Variants in PRX observed in about 807,000 individuals in gnomAD.
The protein encoded by PRX is periaxin.
A neutral mutation model predicts 29.6 loss-of-function variants in PRX; 24 were observed. That is an observed-to-expected ratio of 0.81 (90% confidence interval 0.59 to 1.14). The LOEUF is 1.14. PRX is among the 50% of genes most tolerant of loss of function. The probability of loss-of-function intolerance (pLI) is 0.00; values close to 1 mark genes in which losing one functional copy is unlikely to be tolerated. For synonymous variants in PRX, 772 were observed against 831.7 expected (o/e 0.93, Z 1.24); for missense variants, 1,838 against 1,926.4 (o/e 0.95, Z 0.86).
intron 1 of PRX, among the ~76,000 whole-genome samples, chr19:40,412,839 C>T (rs1014041159): frequency 6.6e-6 from 1 of 152,188 alleles, no homozygotes; most frequent in African/African-American, 2.4e-5. Context: ...TCTCAGCCTC[C>T]AGAGTAGCTG....
intron 1 of PRX, among the ~76,000 whole-genome samples, chr19:40,411,320 G>A (rs915257746): frequency 6.6e-5 from 10 of 152,176 alleles, no homozygotes; most frequent in Admixed American, 1.3e-4. Context: ...TAACTGATGA[G>A]TCAATGAGAG....
chr19:40,411,050 A>G (rs1025974624), intron 1 of PRX, among the ~76,000 whole-genome samples: 16 of 152,186 alleles, frequency 1.1e-4, no homozygotes, highest in Admixed American at 1.0e-3. Context: ...ACAGGCCTCA[A>G]AATCACCCTA....
intron 1 of PRX, among the ~76,000 whole-genome samples, chr19:40,412,901 T>G (rs1297088793): frequency 6.6e-6 from 1 of 152,166 alleles, no homozygotes; most frequent in Non-Finnish European, 1.5e-5. Context: ...AATTTTTTTT[T>G]GTTTTGTAGA....
chr19:40,399,892 T>TTTCTTTC (rs1555801769), intron 5 of PRX, among the ~76,000 whole-genome samples: 1 of 61,200 alleles, frequency 1.6e-5, no homozygotes, highest in East Asian at 2.3e-4. Context: ...TCTTTCTTTC[T>TTTCTTTC]TTCTTTCTTT....
chr19:40,395,657 G>A lies in PRX; in HGVS notation c.2695C>T (p.Pro899Ser), dbSNP rs1334022545. The change falls in exon 7 of 7, where the codon CCC becomes TCC. Residue 899 changes from proline (P) to serine (S), a missense_variant. This residue lies in a region of PRX where 1,143 missense variants were observed against 1,193.0 expected (regional missense o/e 0.96). Coordinates refer to ENST00000324001, the MANE Select transcript of PRX (RefSeq NM_181882.3). ...TGTGGGGTGACAATTTCAACAGAGG[G>A]CACTCGGAAGCCCACTTCCCTGACC... ...AGVREVGFRV[P>S]SVEIVTPQLP... 1 of 1,614,142 alleles carries A rather than the reference G, an allele frequency of 6.2e-7. No homozygotes were observed.
At chr19:40,410,811 T>C (rs1448663380) in intron 1 of PRX, among the ~76,000 whole-genome samples, 1 of 152,048 alleles carries the variant, frequency 6.6e-6, no homozygotes, top group Non-Finnish European at 1.5e-5. Flanking sequence ...GCGGAGGTTG[T>C]GGTGAGCTGA....
At chr19:40,407,513 C>A in intron 4 of PRX, 1 of 313,582 alleles carries the variant, frequency 3.2e-6, no homozygotes, top group Non-Finnish European at 6.1e-6. Context: ...GTTGCCCAGG[C>A]TTGTCTCAAA....
chr19:40,396,653 C>T lies in PRX; in HGVS notation c.1699G>A (p.Val567Met), dbSNP rs757797949. 5 of 1,613,984 alleles carry T rather than the reference C, an allele frequency of 3.1e-6. No homozygotes were observed. The South Asian group carries it at 3.3e-5, about 11-fold the overall frequency. Residue 567 changes from valine to methionine, a missense_variant, in exon 7 of 7, where the codon GTG becomes ATG. By Grantham distance (21) the Val-to-Met change is conservative. This residue lies in a region of PRX where 1,143 missense variants were observed against 1,193.0 expected (regional missense o/e 0.96). Coordinates refer to ENST00000324001, the MANE Select transcript of PRX (RefSeq NM_181882.3). ...PEVSEVAVPE[V>M]RLPEVQLPKV... ...GGCAGCTGCACCTCTGGAAGCCGCA[C>T]CTCTGGCACAGCCACCTCTGACACC...
chr19:40,407,620 A>C (rs1401167456), intron 4 of PRX: 7 of 570,818 alleles, frequency 1.2e-5, no homozygotes, highest in South Asian at 2.0e-5. Context: ...TCTTCTGATG[A>C]AGGGTTTCTG....
chr19:40,396,855 C>A lies in PRX; in HGVS notation c.1497G>T (p.Val499=). The A allele has an allele frequency of 1.2e-6, 2 of 1,611,150 alleles. No homozygotes were observed. ...VRLPEVELPK[V]SEMKLPKVPE... ...GCACCTTTGGGAGTTTCATCTCTGA[C>A]ACTTTGGGCAGCTCTACCTCTGGAA... The change falls in exon 7 of 7, where the codon GTG becomes GTT. Residue 499 remains valine (V), a synonymous_variant. Transcript: ENST00000324001.
At position 40,396,105 on chromosome 19, in the gene PRX, T is replaced by A. The variant is rs766307270; in HGVS notation, c.2247A>T (p.Lys749Asn). The change falls in exon 7 of 7, where the codon AAA becomes AAT. Residue 749 changes from lysine (K) to asparagine (N), a missense_variant. By Grantham distance (94) the Lys-to-Asn change is moderately conservative. Around this residue, in one of 3 missense-constraint regions of PRX, gnomAD observed 1,143 missense variants for 1,193.0 expected, o/e 0.96. Coordinates refer to ENST00000324001, the MANE Select transcript of PRX (RefSeq NM_181882.3). Reference protein sequence around the residue: ...DVHLPEVQLPKVSEIRLPEMQ... With the variant: ...DVHLPEVQLPNVSEIRLPEMQ... ...TTTCCGGCAGCCGAATCTCTGACAC[T>A]TTCGGCAGCTGCACCTCGGGGAGGT... 3 of 1,614,186 alleles carry A rather than the reference T, an allele frequency of 1.9e-6. No individual in the cohort carries two copies. The highest frequency in any genetic ancestry group is 2.5e-6 in the Non-Finnish European group (3 of 1,180,038).
upstream of PRX, among the ~76,000 whole-genome samples, chr19:40,414,672 G>A (rs1248031627): frequency 6.6e-6 from 1 of 152,044 alleles, no homozygotes; most frequent in Non-Finnish European, 1.5e-5. Context: ...CTGGACCCTG[G>A]TCCAGCCCCC....
rs1051679903 is a variant in PRX, at chr19:40,398,165, C to T, written c.382-195G>A. On this transcript the variant is annotated intron_variant, in intron 6 of 6. Coordinates refer to ENST00000324001, the MANE Select transcript of PRX (RefSeq NM_181882.3). The surrounding 1 kb of genome is among the most constrained non-coding windows in gnomAD (Gnocchi z 6.3). The stretch of plus-strand genomic sequence containing the variant: ...AAAGCAGGCAGCCATCTAGGATCTC[C>T]AAATGAGTCAACAGGAGTGTAGGGA... 24 of 1,430,674 alleles carry T rather than the reference C, an allele frequency of 1.7e-5. No individual in the cohort carries two copies. The highest frequency in any genetic ancestry group is 1.9e-5 in the Non-Finnish European group (21 of 1,097,288). The allele number at this position is 1,430,674 out of a possible 1,614,324, so 88.6% of individuals were successfully genotyped here. A position where few individuals can be genotyped will look rare whatever the true frequency, so the allele number is the denominator to read the frequency against.
Position 40,397,353 on chromosome 19 carries a change from C to A in PRX, c.999G>T (p.Val333=). Residue 333 remains valine, a synonymous_variant, in exon 7 of 7, where the codon GTG becomes GTT. Transcript: ENST00000324001. ...CACCCGGCAAGGCCAGGTCCACCCC[C>A]ACAGTCGGTGCTGCCACATCCAGGG... ...VPTLDVAAPT[V]GVDLALPGAE... is the part of the protein sequence containing the mutation. 6.2e-7 allele frequency: 1 copy of A among 1,612,990 alleles called. No homozygotes were observed. Among genetic ancestry groups the A allele is most frequent in the Non-Finnish European group, 8.5e-7 (1 of 1,179,918 alleles).
In PRX at chr19:40,398,927, G is replaced by C; in HGVS notation, c.185-111C>G. The stretch of plus-strand genomic sequence containing the variant: ...CGGTGAGGACCCGCCCCAAATTTTA[G>C]TTTCTCCAATCCCCAGCGCAGGATT... On this transcript the variant is annotated intron_variant, in intron 5 of 6. Transcript: ENST00000324001. This position sits in a 1 kb window ranked among gnomAD's most constrained non-coding sequence, Gnocchi z 6.3. 2 of 1,557,818 alleles carry C rather than the reference G, an allele frequency of 1.3e-6. No homozygotes were observed. Among genetic ancestry groups the C allele is most frequent in the Non-Finnish European group, 1.7e-6 (2 of 1,152,194 alleles).
Position 40,395,732 on chromosome 19 carries a change from C to T in PRX, c.2620G>A (p.Ala874Thr), listed in dbSNP as rs145790961. 72 of 1,613,864 alleles carry T rather than the reference C, an allele frequency of 4.5e-5. No homozygotes were observed. The highest frequency in any genetic ancestry group is 5.5e-5 in the South Asian group (5 of 91,086). Residue 874 changes from alanine (A) to threonine (T), a missense_variant, in exon 7 of 7, where the codon GCT becomes ACT. Ala to Thr is a moderately conservative substitution (Grantham distance 58). This residue lies in a region of PRX where 1,143 missense variants were observed against 1,193.0 expected (regional missense o/e 0.96). Transcript: ENST00000324001. ...ACCCGCTCTCCCTTGCCCATTTTAG[C>T]GGCTGGGACCTGCCCCTGCAGGCCA... is the stretch of plus-strand genomic sequence containing the variant. The part of the protein sequence containing the change: ...ALGLQGQVPA[A>T]KMGKGERVEG...
rs759882475 is a variant in PRX, at chr19:40,394,305, G to A, written c.4047C>T (p.Ser1349=). ...CCTCCTCCTCCTCCTCGGGGCTGGG[G>A]GACCCTTCCCCAGTGACCATCTCAC... is the stretch of plus-strand genomic sequence containing the variant. ...SQSEMVTGEG[S]PSPEEEEEEE... The change falls in exon 7 of 7, where the codon TCC becomes TCT. Residue 1349 remains serine, a synonymous_variant. Transcript: ENST00000324001. The surrounding 1 kb of genome is among the most constrained non-coding windows in gnomAD (Gnocchi z 5.8). The A allele has an allele frequency of 1.9e-5, 30 of 1,610,946 alleles. No individual in the cohort carries two copies. In the Middle Eastern group the frequency reaches 8.2e-4, roughly 44 times the overall value.
In PRX at chr19:40,403,745, C is replaced by T. The variant is rs1024162447; in HGVS notation, c.145G>A (p.Glu49Lys). ...KEGIFVRELR[E>K]DSPAARSLSL... The stretch of plus-strand genomic sequence containing the variant: ...AGGCTCCTGGCGGCGGGTGAGTCCT[C>T]GCGCAGCTCCCGAACGAAGATTCCC... The change falls in exon 5 of 7, where the codon GAG becomes AAG. Residue 49 changes from glutamate (E) to lysine (K), a missense_variant. Glu to Lys is a moderately conservative substitution (Grantham distance 56, BLOSUM62 1). Coordinates refer to ENST00000324001, the MANE Select transcript of PRX (RefSeq NM_181882.3). The T allele has an allele frequency of 3.8e-6, 6 of 1,574,976 alleles. No homozygotes were observed. The Admixed American group carries it at 7.2e-5, about 19-fold the overall frequency.
Position 40,394,377 on chromosome 19 carries a change from C to T in PRX, c.3975G>A (p.Lys1325=), listed in dbSNP as rs2079408645. ...GCAGCCTGAGTTTGGGGCTCTTGGC[C>T]TTCTCACCCTCCTCGGCCCCCTCCT... is the stretch of plus-strand genomic sequence containing the variant. ...RAKEGAEEGE[K]AKSPKLRLPR... Residue 1325 remains lysine, a synonymous_variant, in exon 7 of 7, where the codon AAG becomes AAA. Coordinates refer to ENST00000324001, the MANE Select transcript of PRX (RefSeq NM_181882.3). This position sits in a 1 kb window ranked among gnomAD's most constrained non-coding sequence, Gnocchi z 5.8. The T allele has an allele frequency of 6.2e-7, 1 of 1,602,494 alleles. No individual in the cohort carries two copies. Among genetic ancestry groups the T allele is most frequent in the Admixed American group, 1.7e-5 (1 of 58,424 alleles).
Sources: allele counts gnomAD v4.1 joint callset (sites outside exome capture counted in the v4.1 genomes callset), GRCh38; gene constraint gnomAD v4.1.1; regional missense constraint gnomAD v4.1.1; non-coding constraint Gnocchi (gnomAD v3.1); transcripts MANE v1.5; gene names NCBI Gene and HGNC (gene_info 2026-07-23, HGNC 2026-07-21).